Variants in NLGN1 observed in about 807,000 individuals in gnomAD.
The protein encoded by NLGN1 is neuroligin-1.
A neutral mutation model predicts 65.5 loss-of-function variants in NLGN1; 12 were observed. That is an observed-to-expected ratio of 0.18 (90% CI 0.12 to 0.30). The LOEUF (loss-of-function observed/expected upper bound fraction) is 0.30, where lower values mean the gene tolerates loss of function less well. NLGN1 is among the 10% of genes least tolerant of loss of function. The pLI is 1.00. For missense variants in NLGN1, 750 were observed against 1,007.1 expected, an observed-to-expected ratio of 0.74 and a Z score of 3.46; for synonymous variants, 350 against 359.5, an observed-to-expected ratio of 0.97 and a Z score of 0.30.
chr3:174,015,530 G>A (rs914674880), intron 4 of NLGN1, among the ~76,000 whole-genome samples: 2 of 152,090 alleles, frequency 1.3e-5, no homozygotes, highest in African/African-American at 2.4e-5. Flanking sequence ...ACTCCCAAAG[G>A]CCCCATCTCC....
rs199952308 is a variant in NLGN1 at position 174,194,634 on chromosome 3, C to CA, written c.647-80673dup. The stretch of plus-strand genomic sequence containing the variant: ...ATTGTTTTGATAAATATAGTTATCT[C>CA]AAAAAAAAGCAAAAAAATGAGGATA... On this transcript the variant is annotated intron_variant, in intron 4 of 6. Transcript: ENST00000457714. 5.6e-3 allele frequency among the ~76,000 whole-genome samples: 835 copies of CA among 148,570 alleles called. 20 individuals are homozygous for CA. The highest frequency in any genetic ancestry group is 0.056 in the East Asian group (282 of 5,078).
chr3:173,490,276 T>G (rs1285983833), intron 2 of NLGN1, among the ~76,000 whole-genome samples: 1 of 152,152 alleles, frequency 6.6e-6, no homozygotes, highest in East Asian at 1.9e-4. Flanking sequence ...TTGTGTAAGG[T>G]GTAAGGAAGG....
chr3:174,135,086 T>A, intron 4 of NLGN1, among the ~76,000 whole-genome samples: 1 of 152,228 alleles, frequency 6.6e-6, no homozygotes, highest in Non-Finnish European at 1.5e-5. Context: ...CCTATCATTC[T>A]GATCATCCCA....
At chr3:173,831,766 T>C (rs1359809250) in intron 4 of NLGN1, among the ~76,000 whole-genome samples, 1 of 152,182 alleles carries the variant, frequency 6.6e-6, no homozygotes, top group Non-Finnish European at 1.5e-5. Context: ...TAAGTGAGAA[T>C]GCTTGATTTA....
chr3:173,993,350 G>C (rs896172403), intron 4 of NLGN1, among the ~76,000 whole-genome samples: 12 of 152,332 alleles, frequency 7.9e-5, no homozygotes, highest in African/African-American at 2.6e-4. Flanking sequence ...GACATGCCAT[G>C]TGTGCACTAA....
chr3:174,069,550 CAT>C (rs1245772884), intron 4 of NLGN1, among the ~76,000 whole-genome samples: 2 of 152,118 alleles, frequency 1.3e-5, no homozygotes, highest in African/African-American at 2.4e-5. Context: ...GTTATCAAAA[CAT>C]ATATTTTTCA....
At chr3:174,062,423 A>G (rs1177046099) in intron 4 of NLGN1, among the ~76,000 whole-genome samples, 5 of 152,124 alleles carry the variant, frequency 3.3e-5, no homozygotes, top group Admixed American at 1.3e-4. Context: ...TAAATGGCCA[A>G]TGTATCAAGT....
At chr3:173,894,868 C>T (rs1319074577) in intron 4 of NLGN1, among the ~76,000 whole-genome samples, 2 of 150,708 alleles carry the variant, frequency 1.3e-5, no homozygotes, top group African/African-American at 4.9e-5. Context: ...AACTCCTGAC[C>T]TCAAGTGATC....
At chr3:174,082,356 T>TA (rs1214893446) in intron 4 of NLGN1, among the ~76,000 whole-genome samples, 1 of 152,026 alleles carries the variant, frequency 6.6e-6, no homozygotes, top group Non-Finnish European at 1.5e-5. Flanking sequence ...AAAAGTCAAT[T>TA]AAAAAAACAA....
At chr3:174,242,937 A>G (rs2152833245) in intron 4 of NLGN1, among the ~76,000 whole-genome samples, 2 of 152,318 alleles carry the variant, frequency 1.3e-5, no homozygotes, top group East Asian at 3.9e-4. Context: ...CCAGCATGAT[A>G]AACTTTATAA....
At chr3:173,593,193 T>C (rs1226821342) in intron 2 of NLGN1, among the ~76,000 whole-genome samples, 2 of 152,190 alleles carry the variant, frequency 1.3e-5, no homozygotes, top group Non-Finnish European at 2.9e-5. Context: ...TTACTTAAAG[T>C]CTATCTTCCC....
intron 5 of NLGN1, among the ~76,000 whole-genome samples, chr3:174,277,146 T>C (rs961321462): frequency 3.3e-5 from 5 of 151,914 alleles, no homozygotes; most frequent in African/African-American, 1.2e-4. Flanking sequence ...AGACATCAAC[T>C]TAGGTTTGGC....
chr3:173,693,245 A>G (rs547320568), intron 3 of NLGN1, among the ~76,000 whole-genome samples: 12 of 152,234 alleles, frequency 7.9e-5, no homozygotes, highest in African/African-American at 2.9e-4. Context: ...TTAGTCCTTC[A>G]TGTATTTCGG....
intron 1 of NLGN1, among the ~76,000 whole-genome samples, chr3:173,432,318 A>T (rs1717332831): frequency 1.3e-5 from 2 of 152,212 alleles, no homozygotes; most frequent in Non-Finnish European, 2.9e-5. Flanking sequence ...ACTTGCAAAG[A>T]TGCTATACCA....
At chr3:173,997,895 A>G (rs532597510) in intron 4 of NLGN1, among the ~76,000 whole-genome samples, 2 of 152,252 alleles carry the variant, frequency 1.3e-5, no homozygotes, top group Non-Finnish European at 2.9e-5. Flanking sequence ...CATCAGATTC[A>G]GGGCTAGAAT....
At chr3:173,797,991 A>G (rs1714538000) in intron 3 of NLGN1, among the ~76,000 whole-genome samples, 1 of 152,262 alleles carries the variant, frequency 6.6e-6, no homozygotes, top group Non-Finnish European at 1.5e-5. Flanking sequence ...GAAATCATGT[A>G]AATTGACTTG....
intron 4 of NLGN1, among the ~76,000 whole-genome samples, chr3:174,110,843 T>C (rs1420910711): frequency 6.6e-6 from 1 of 151,932 alleles, no homozygotes. Flanking sequence ...CGAGGTAAAA[T>C]GTAGATGAAT....
intron 4 of NLGN1, among the ~76,000 whole-genome samples, chr3:174,251,135 T>A (rs1238056312): frequency 1.3e-5 from 2 of 152,330 alleles, no homozygotes; most frequent in African/African-American, 4.8e-5. Flanking sequence ...AGGAAAATGC[T>A]ATATTTATAA....
intron 4 of NLGN1, among the ~76,000 whole-genome samples, chr3:174,003,095 T>C (rs1723629124): frequency 6.6e-6 from 1 of 152,022 alleles, no homozygotes; most frequent in Non-Finnish European, 1.5e-5. Context: ...CAAGCTTATC[T>C]TTGTTCAGAG....
Sources: gnomAD v4.1 joint callset for allele counts (sites outside exome capture counted in the v4.1 genomes callset) on GRCh38, gnomAD v4.1.1 for gene constraint, MANE v1.5 for transcripts, NCBI Gene and HGNC (gene_info 2026-07-23, HGNC 2026-07-21) for gene names.